CD82: variants seen among roughly 807,000 people sequenced by gnomAD.
CD82 encodes the protein CD82 antigen.
Under a neutral mutation model 37.4 loss-of-function variants are expected in CD82, and 36 were observed. The ratio of observed to expected loss-of-function variants is 0.96; its 90% CI spans 0.74 to 1.27. The LOEUF (loss-of-function observed/expected upper bound fraction) is 1.27. Among genes scored for constraint, CD82 ranks in the 50% most tolerant of loss-of-function variants. The probability of loss-of-function intolerance (pLI) is 0.00; values close to 1 mark genes in which losing one functional copy is unlikely to be tolerated. For synonymous variants in CD82, 158 were observed against 137.4 expected, an observed-to-expected ratio of 1.15 and a Z score of -1.05; for missense variants, 340 against 347.0, an observed-to-expected ratio of 0.98 and a Z score of 0.16.
intron 5 of CD82, 69 bp from the exon 6 acceptor site, chr11:44,605,286 G>A (rs556530780): frequency 1.6e-5 from 25 of 1,610,618 alleles, no homozygotes; most frequent in Admixed American, 8.3e-5. Context: ...AGCATCTCTC[G>A]GGGCACGCAG....
chr11:44,593,380 G>C (rs1351200910), intron 2 of CD82, among the ~76,000 whole-genome samples: 5 of 152,242 alleles, frequency 3.3e-5, no homozygotes, highest in Non-Finnish European at 7.3e-5. Context: ...TGCCCATGCA[G>C]CTGTCCCAGG....
rs1218758882 is a variant in CD82 at position 44,615,326 on chromosome 11, A to C, written c.391A>C (p.Ser131Arg). 6.2e-7 allele frequency: 1 copy of C among 1,613,934 alleles called. No individual in the cohort carries two copies. The highest frequency in any genetic ancestry group is 1.1e-5 in the South Asian group (1 of 91,086). The change falls in exon 7 of 10, where the codon AGT (serine) becomes CGT (arginine). Residue 131 changes from serine to arginine, a missense_variant. Ser to Arg is a moderately radical substitution (Grantham distance 110, BLOSUM62 -1). Coordinates refer to ENST00000227155, the MANE Select transcript of CD82 (RefSeq NM_002231.4). ...TGAGCTCATTCGAGACTACAACAGC[A>C]GTCGCGAGGACAGCCTGCAGGATGC... ...VTELIRDYNSSREDSLQDAWD... is the reference protein window; with the variant it reads ...VTELIRDYNSRREDSLQDAWD...
intron 5 of CD82, 30 bp downstream of exon 5, chr11:44,605,212 C>T (rs374295870): frequency 1.2e-6 from 2 of 1,609,040 alleles, no homozygotes; most frequent in Non-Finnish European, 8.5e-7. Flanking sequence ...CAGCTGCCTG[C>T]CCATTTCCTC....
At chr11:44,609,254 G>T (rs775366887) in intron 6 of CD82, among the ~76,000 whole-genome samples, 1 of 152,208 alleles carries the variant, frequency 6.6e-6, no homozygotes, top group Non-Finnish European at 1.5e-5. Flanking sequence ...CGAGCTCTTG[G>T]GCCATGCCCA....
At chr11:44,594,852 A>G in intron 3 of CD82, 127 bp downstream of exon 3, 1 of 754,960 alleles carries the variant, frequency 1.3e-6, no homozygotes, top group Admixed American at 1.9e-5. Context: ...GGGACTGAGG[A>G]CGAACTATCT....
At position 44,598,400 on chromosome 11, in the gene CD82, ATTTTTTTTTTTTT is replaced by A. The variant is rs71038809; in HGVS notation, c.64-1741_64-1729del. ...CAGTTATCATGGATTTTTGGCCTTA[ATTTTTTTTTTTTT>A]TTTTTTTTTTTTTTTTGAGACGGAG... is the stretch of plus-strand genomic sequence containing the variant. On this transcript the variant is annotated intron_variant, in intron 3 of 9. Transcript: ENST00000227155. Among the ~76,000 whole-genome samples, 45 of 58,908 alleles carry A rather than the reference ATTTTTTTTTTTTT, an allele frequency of 7.6e-4. 1 individual carries two copies. Among genetic ancestry groups the A allele is most frequent in the Admixed American group, 3.9e-3 (14 of 3,554 alleles). 38.6% of individuals were successfully genotyped at this position (58,908 alleles called of 152,430 possible).
At chr11:44,594,807 C>A in intron 3 of CD82, 82 bp downstream of exon 3, 2 of 1,185,548 alleles carry the variant, frequency 1.7e-6, no homozygotes, top group South Asian at 1.2e-5. Flanking sequence ...TTTCCAGAGC[C>A]GACCGGGCCG....
chr11:44,612,836 A>G (rs571766283), intron 6 of CD82, among the ~76,000 whole-genome samples: 183 of 151,504 alleles, frequency 1.2e-3, no homozygotes, highest in African/African-American at 4.3e-3. Context: ...ATGGAGTTTC[A>G]CCATGTTAGC....
intron 1 of CD82, among the ~76,000 whole-genome samples, chr11:44,575,272 C>T (rs1035992059): frequency 6.6e-6 from 1 of 152,336 alleles, no homozygotes; most frequent in Non-Finnish European, 1.5e-5. Context: ...TTTTGACCCT[C>T]TCCTCTCTGG....
Position 44,597,094 on chromosome 11 carries a change from T to G in CD82, c.63+2369T>G. The G allele has an allele frequency of 4.4e-6, 2 of 451,082 alleles. No individual in the cohort carries two copies. Among genetic ancestry groups the G allele is most frequent in the South Asian group, 3.1e-5 (2 of 64,404 alleles). 27.9% of individuals were successfully genotyped at this position (451,082 alleles called of 1,614,324 possible). ...GACCCGGCCAGCCTGCCTCTTTGTT[T>G]TATGCACATTGGGAGGGGTTTCGTG... On this transcript the variant is annotated intron_variant, in intron 3 of 9. Transcript: ENST00000227155. This position sits in a 1 kb window ranked among gnomAD's most constrained non-coding sequence, Gnocchi z 4.1.
chr11:44,576,895 A>G (rs555916257), intron 1 of CD82, among the ~76,000 whole-genome samples: 2 of 152,156 alleles, frequency 1.3e-5, no homozygotes, highest in South Asian at 4.2e-4. Flanking sequence ...CAGTTGAGGG[A>G]TGGTACAAGA....
chr11:44,618,399 C>T (rs368886481), intron 8 of CD82, 34 bp downstream of exon 8: 16 of 1,588,670 alleles, frequency 1.0e-5, no homozygotes, highest in South Asian at 7.8e-5. Context: ...GGGCGGGGCT[C>T]CGAGGGCGTT....
chr11:44,619,172 C>T lies in CD82; in HGVS notation c.*46C>T. 2 of 1,479,302 alleles carry T rather than the reference C, an allele frequency of 1.4e-6. No homozygotes were observed. Among genetic ancestry groups the T allele is most frequent in the Non-Finnish European group, 1.9e-6 (2 of 1,057,032 alleles). The allele number at this position is 1,479,302 out of a possible 1,614,324, so 91.6% of individuals were successfully genotyped here. ...CCCTGCCTGGCCCCCAACCTCAGGG[C>T]TCCCAGGGGTCTCCCTGGCTCCCTC... is the stretch of plus-strand genomic sequence containing the variant. On this transcript the variant is annotated 3_prime_UTR_variant, in exon 10 of 10. Coordinates refer to ENST00000227155, the MANE Select transcript of CD82 (RefSeq NM_002231.4).
intron 1 of CD82, among the ~76,000 whole-genome samples, chr11:44,584,788 C>T (rs533697460): frequency 1.3e-5 from 2 of 152,088 alleles, no homozygotes; most frequent in East Asian, 3.9e-4. Flanking sequence ...GCAGGGATTT[C>T]AGGAAACACA....
At chr11:44,576,828 C>G (rs905496414) in intron 1 of CD82, among the ~76,000 whole-genome samples, 1 of 152,204 alleles carries the variant, frequency 6.6e-6, no homozygotes, top group African/African-American at 2.4e-5. Context: ...TATTACTAAG[C>G]CCATTTTCAC....
At chr11:44,565,581 C>A (rs972227926), upstream of CD82, 2 of 150,170 alleles carry the variant, frequency 1.3e-5, no homozygotes, top group African/African-American at 4.9e-5. Context: ...GGCGTGTCTT[C>A]TGGGGGCGGG....
In CD82 at chr11:44,612,623, A is replaced by ATTTTTTTTTT. The variant is rs34301171; in HGVS notation, c.337-2631_337-2622dup. Among the ~76,000 whole-genome samples, 73 of 63,076 alleles carry ATTTTTTTTTT rather than the reference A, an allele frequency of 1.2e-3. 12 individuals are homozygous for ATTTTTTTTTT. Among genetic ancestry groups the ATTTTTTTTTT allele is most frequent in the African/African-American group, 3.9e-3 (56 of 14,236 alleles). 41.4% of individuals were successfully genotyped at this position (63,076 alleles called of 152,430 possible). ...ATCAGAGGCTGGTTTCCCAGCATTA[A>ATTTTTTTTTT]TTTTTTTTTTTTTTTTTTTTTTTTT... On this transcript the variant is annotated intron_variant, in intron 6 of 9. Transcript: ENST00000227155.
chr11:44,587,970 C>G lies in CD82; in HGVS notation c.-21+414C>G, dbSNP rs1853081571. 3.5e-5 allele frequency: 8 copies of G among 228,714 alleles called. No individual in the cohort carries two copies. In the South Asian group the frequency reaches 4.5e-4, roughly 13 times the overall value. The allele number at this position is 228,714 out of a possible 1,614,324, so 14.2% of individuals were successfully genotyped here. A position where few individuals can be genotyped will look rare whatever the true frequency, so the allele number is the denominator to read the frequency against. ...CATCCATCCATCCACCTACCTACCC[C>G]TCCATCCCTGCATCCACCCAGTCTT... On this transcript the variant is annotated intron_variant, in intron 2 of 9. Transcript: ENST00000227155.
intron 1 of CD82, among the ~76,000 whole-genome samples, chr11:44,572,389 AC>A (rs1454409923): frequency 6.6e-6 from 1 of 152,162 alleles, no homozygotes. Context: ...TCAAGAAAAA[AC>A]CCATTCATAC....
Sources: allele counts gnomAD v4.1 joint callset (sites outside exome capture counted in the v4.1 genomes callset), GRCh38; gene constraint gnomAD v4.1.1; non-coding constraint Gnocchi (gnomAD v3.1); transcripts MANE v1.5; gene names NCBI Gene and HGNC (gene_info 2026-07-23, HGNC 2026-07-21).